DVL1: variants seen among roughly 807,000 people sequenced by gnomAD.
The protein encoded by DVL1 is segment polarity protein dishevelled homolog DVL-1.
A neutral mutation model predicts 65.0 loss-of-function variants in DVL1; 49 were observed. The observed-to-expected ratio is 0.75, with a 90% CI of 0.60 to 0.96. The LOEUF (loss-of-function observed/expected upper bound fraction) is 0.96. Ranked by LOEUF, DVL1 falls within the 40% of genes least tolerant of loss-of-function variation. DVL1 has a pLI of 0.00. For synonymous variants in DVL1, 608 were observed against 433.9 expected, an observed-to-expected ratio of 1.40 and a Z score of -4.99; for missense variants, 1,197 against 1,045.4, an observed-to-expected ratio of 1.15 and a Z score of -2.00.
In DVL1 at chr1:1,340,663, A is replaced by G. The variant is rs374238484; in HGVS notation, c.606-160T>C. 1.5e-5 allele frequency: 4 copies of G among 271,658 alleles called. No homozygotes were observed. The South Asian group carries it at 5.5e-4, about 38-fold the overall frequency. 16.8% of individuals were successfully genotyped at this position (271,658 alleles called of 1,614,324 possible). The stretch of plus-strand genomic sequence containing the variant: ...ACGCCCCAGGCCCTGCACACGTGAT[A>G]TGCATATGAGCACACACGAAAATCC... On this transcript the variant is annotated intron_variant, in intron 5 of 14. Coordinates refer to ENST00000378888, the MANE Select transcript of DVL1 (RefSeq NM_001330311.2).
At chr1:1,341,554 A>G (rs1190207877) in intron 5 of DVL1, 113 bp downstream of exon 5, 1 of 1,333,800 alleles carries the variant, frequency 7.5e-7, no homozygotes, top group Non-Finnish European at 1.0e-6. Context: ...ACACATGCAC[A>G]CACACGCACA....
Position 1,342,434 on chromosome 1 carries a change from G to A in DVL1, c.291C>T (p.Asp97=). 6.2e-7 allele frequency: 1 copy of A among 1,601,198 alleles called. No individual in the cohort carries two copies. Among genetic ancestry groups the A allele is most frequent in the Non-Finnish European group, 8.5e-7 (1 of 1,174,564 alleles). The stretch of plus-strand genomic sequence containing the variant: ...GAGGCGGGGGCAGGTCTGTGTGGCT[G>A]TCCGTGCCCTGGGACCCCGCATCCG... ...AHSDAGSQGT[D]SHTDLPPPLE... The change falls in exon 3 of 15, where the codon GAC becomes GAT. Residue 97 remains aspartate (D), a synonymous_variant. Coordinates refer to ENST00000378888, the MANE Select transcript of DVL1 (RefSeq NM_001330311.2).
intron 14 of DVL1, 47 bp downstream of exon 14, chr1:1,337,930 A>C (rs780150258): frequency 6.7e-7 from 1 of 1,496,218 alleles, no homozygotes. Context: ...AGTGGGGCGG[A>C]GCTGGGGGCG....
In DVL1 at chr1:1,349,130, A is replaced by ACCCGCCCGCCCGCCTGCGC. The variant is rs1643976149; in HGVS notation, c.-84_-66dup. ...GCCCGGGGCTCGGACGCGGGGCGCT[A>ACCCGCCCGCCCGCCTGCGC]CCCGCCCGCCCGCCTGCGCCCCGCC... is the stretch of plus-strand genomic sequence containing the variant. On this transcript the variant is annotated 5_prime_UTR_variant, in exon 1 of 15. The change abolishes the stop of an existing upstream ORF in the 5' untranslated region. Transcript: ENST00000378888. The surrounding 1 kb of genome is among the most constrained non-coding windows in gnomAD (Gnocchi z 4.1). The ACCCGCCCGCCCGCCTGCGC allele has an allele frequency of 3.2e-6, 3 of 934,574 alleles. No homozygotes were observed. The highest frequency in any genetic ancestry group is 1.9e-5 in the African/African-American group (1 of 53,578). 57.9% of individuals were successfully genotyped at this position (934,574 alleles called of 1,614,324 possible).
chr1:1,336,136 C>A lies in DVL1; in HGVS notation c.*6G>T. The stretch of plus-strand genomic sequence containing the variant: ...CCTCAGGCAGGGCTGGGGCATGCGC[C>A]ACGAGTCACATGATGTCCACGAAGA... On this transcript the variant is annotated 3_prime_UTR_variant, in exon 15 of 15. Transcript: ENST00000378888. The A allele has an allele frequency of 6.4e-7, 1 of 1,573,372 alleles. No individual in the cohort carries two copies. Among genetic ancestry groups the A allele is most frequent in the Admixed American group, 1.8e-5 (1 of 56,916 alleles).
intron 1 of DVL1, among the ~76,000 whole-genome samples, chr1:1,345,446 G>A (rs1414949731): frequency 6.6e-6 from 1 of 152,186 alleles, no homozygotes; most frequent in Non-Finnish European, 1.5e-5. Flanking sequence ...CCAGATGGGG[G>A]AGGGTGCTGG....
Position 1,336,655 on chromosome 1 carries a change from G to A in DVL1, c.1715-140C>T, listed in dbSNP as rs1569672388. The stretch of plus-strand genomic sequence containing the variant: ...GGGTGGGGCAGCCATGCAGGCGCGA[G>A]GACAGGGCCGGCACCCCCAGGGTCG... On this transcript the variant is annotated intron_variant, in intron 14 of 14. Transcript: ENST00000378888. 1.4e-5 allele frequency: 16 copies of A among 1,154,442 alleles called. No individual in the cohort carries two copies. In the East Asian group the frequency reaches 4.6e-4, roughly 33 times the overall value. 71.5% of individuals were successfully genotyped at this position (1,154,442 alleles called of 1,614,324 possible). A position where few individuals can be genotyped will look rare whatever the true frequency, so the allele number is the denominator to read the frequency against.
In DVL1 at chr1:1,338,535, G is replaced by A; in HGVS notation, c.1326C>T (p.Ala442=). ...RDRMWLKITI[A]NAVIGADVVD... The stretch of plus-strand genomic sequence containing the variant: ...ACGGCCACTCACCGATGACGGCATT[G>A]GCGATGGTGATCTTGAGCCACATGC... The change falls in exon 12 of 15, where the codon GCC becomes GCT. Residue 442 remains alanine (A), a synonymous_variant. Coordinates refer to ENST00000378888, the MANE Select transcript of DVL1 (RefSeq NM_001330311.2). 1.2e-6 allele frequency: 2 copies of A among 1,612,610 alleles called. No individual in the cohort carries two copies. Among genetic ancestry groups the A allele is most frequent in the Non-Finnish European group, 1.7e-6 (2 of 1,179,848 alleles).
At position 1,345,555 on chromosome 1, in the gene DVL1, G is replaced by A. The variant is rs1643903291; in HGVS notation, c.171-2797C>T. Reference sequence around the variant, plus strand: ...CACGGCAGCTGCCAGGGGCGCCCCTGCCGGCACTGTGCCCCCACCTTGGGA... The same window carrying A: ...CACGGCAGCTGCCAGGGGCGCCCCTACCGGCACTGTGCCCCCACCTTGGGA... On this transcript the variant is annotated intron_variant, in intron 1 of 14. Coordinates refer to ENST00000378888, the MANE Select transcript of DVL1 (RefSeq NM_001330311.2). Among the ~76,000 whole-genome samples the A allele has an allele frequency of 2.0e-5, 3 of 152,120 alleles. No homozygotes were observed. In the South Asian group the frequency reaches 6.2e-4, roughly 31 times the overall value.
rs756546606 is a variant in DVL1 at position 1,340,076 on chromosome 1, C to T, written c.871G>A (p.Ala291Thr). 1.1e-5 allele frequency: 18 copies of T among 1,612,896 alleles called. No homozygotes were observed. The highest frequency in any genetic ancestry group is 3.3e-5 in the South Asian group (3 of 91,086). Reference sequence around the variant, plus strand: ...TCGCCGGGCTCGATGCGGCCGTCAGCGGCCACAGCCCCGCCCTTCATGATG... The same window carrying T: ...TCGCCGGGCTCGATGCGGCCGTCAGTGGCCACAGCCCCGCCCTTCATGATG... Reference protein sequence around the residue: ...GSIMKGGAVAADGRIEPGDML... With the variant: ...GSIMKGGAVATDGRIEPGDML... The change falls in exon 8 of 15, where the codon GCT becomes ACT. Residue 291 changes from alanine to threonine, a missense_variant. Ala to Thr is a moderately conservative substitution (Grantham distance 58). Transcript: ENST00000378888.
chr1:1,341,244 C>T (rs1213213224), intron 5 of DVL1, among the ~76,000 whole-genome samples: 1 of 152,130 alleles, frequency 6.6e-6, no homozygotes, highest in Non-Finnish European at 1.5e-5. Context: ...CCTGCGCACA[C>T]GCGTGCATTG....
chr1:1,335,896 C>A lies in DVL1; in HGVS notation c.*246G>T, dbSNP rs1172773064. The A allele has an allele frequency of 2.4e-5, 14 of 585,628 alleles. No homozygotes were observed. The East Asian group carries it at 3.8e-4, about 16-fold the overall frequency. 36.3% of individuals were successfully genotyped at this position (585,628 alleles called of 1,614,324 possible). A position where few individuals can be genotyped will look rare whatever the true frequency, so the allele number is the denominator to read the frequency against. On this transcript the variant is annotated 3_prime_UTR_variant, in exon 15 of 15. Coordinates refer to ENST00000378888, the MANE Select transcript of DVL1 (RefSeq NM_001330311.2). ...TCCCAGGAGGGATCCCCACCAGACA[C>A]AAGGGGTTGGGAGGTCCGAGGCTCT...
chr1:1,339,204 CACAGGCGGCCATG>C, intron 11 of DVL1, 70 bp downstream of exon 11: 1 of 1,522,398 alleles, frequency 6.6e-7, no homozygotes, highest in Non-Finnish European at 8.9e-7. Flanking sequence ...CCATGACGGC[CACAGGCGGCCATG>C]CTGGAGGCTG....
chr1:1,336,592 G>A, intron 14 of DVL1, 77 bp from the exon 15 acceptor site: 7 of 1,459,752 alleles, frequency 4.8e-6, no homozygotes, highest in South Asian at 2.8e-5. Context: ...GCCCCCGCCA[G>A]GTGACCGGGC....
chr1:1,339,699 G>C (rs1175964401), intron 9 of DVL1, 37 bp downstream of exon 9: 3 of 1,612,658 alleles, frequency 1.9e-6, no homozygotes, highest in Non-Finnish European at 2.5e-6. Context: ...CCACCTCCCT[G>C]CCTGGCCCCT....
rs1195505167 is a variant in DVL1, at chr1:1,349,098, G to C, written c.-33C>G. ...CGGCGGCGCGGAGCCCGCGCGCTCA[G>C]GGCCCGGCCCGGGGCTCGGACGCGG... On this transcript the variant is annotated 5_prime_UTR_variant, in exon 1 of 15. Coordinates refer to ENST00000378888, the MANE Select transcript of DVL1 (RefSeq NM_001330311.2). This position sits in a 1 kb window ranked among gnomAD's most constrained non-coding sequence, Gnocchi z 4.1. The C allele has an allele frequency of 1.5e-6, 2 of 1,291,936 alleles. No homozygotes were observed. Among genetic ancestry groups the C allele is most frequent in the Non-Finnish European group, 2.0e-6 (2 of 1,004,874 alleles). 80.0% of individuals were successfully genotyped at this position (1,291,936 alleles called of 1,614,324 possible).
chr1:1,341,892 G>A, intron 4 of DVL1, 87 bp from the exon 5 acceptor site: 3 of 1,481,142 alleles, frequency 2.0e-6, no homozygotes, highest in Non-Finnish European at 2.7e-6. Flanking sequence ...GCATGCCTGT[G>A]GGTCTGGGAG....
At position 1,335,425 on chromosome 1, in the gene DVL1, G is replaced by C. The variant is rs1280230785; in HGVS notation, c.*717C>G. The C allele has an allele frequency of 6.6e-6, 1 of 152,460 alleles. No homozygotes were observed. The highest frequency in any genetic ancestry group is 1.5e-5 in the Non-Finnish European group (1 of 68,222). The allele number at this position is 152,460 out of a possible 1,614,324, so 9.4% of individuals were successfully genotyped here. On this transcript the variant is annotated 3_prime_UTR_variant, in exon 15 of 15. Coordinates refer to ENST00000378888, the MANE Select transcript of DVL1 (RefSeq NM_001330311.2). The stretch of plus-strand genomic sequence containing the variant: ...CCAGAGAAGCCAGGAAGGCCGCGAT[G>C]TGTGCGCGCAGTGTGTGCACTCACC...
chr1:1,342,615 C>T (rs1236316494), intron 2 of DVL1, 74 bp downstream of exon 2: 6 of 1,588,910 alleles, frequency 3.8e-6, no homozygotes, highest in African/African-American at 1.3e-5. Context: ...CCACACCCAC[C>T]GCCTCCCCCA....
Sources: gnomAD v4.1 joint callset for allele counts (sites outside exome capture counted in the v4.1 genomes callset) on GRCh38, gnomAD v4.1.1 for gene constraint, Gnocchi (gnomAD v3.1) non-coding constraint, MANE v1.5 for transcripts, NCBI Gene and HGNC (gene_info 2026-07-23, HGNC 2026-07-21) for gene names.